PAK1: variants seen among roughly 807,000 people sequenced by gnomAD.
PAK1 encodes the protein p21 (RAC1) activated kinase 1.
PAK1 carries 29 observed loss-of-function variants against 67.4 expected under a neutral mutation model. That is an observed-to-expected ratio of 0.43 (90% confidence interval 0.32 to 0.59). The LOEUF (loss-of-function observed/expected upper bound fraction) is 0.59. Ranked by LOEUF, PAK1 falls within the 20% of genes least tolerant of loss-of-function variation. The pLI, the probability that PAK1 is intolerant of heterozygous loss-of-function variation, is 0.07. For missense variants in PAK1, 337 were observed against 670.7 expected (o/e 0.50, Z 5.50); for synonymous variants, 223 against 237.4 (o/e 0.94, Z 0.56).
At chr11:77,327,937 A>G (rs891735654) in intron 14 of PAK1, among the ~76,000 whole-genome samples, 7 of 152,312 alleles carry the variant, frequency 4.6e-5, no homozygotes, top group East Asian at 1.9e-4. Flanking sequence ...GGGATGGAGG[A>G]AGATCTACCA....
intron 1 of PAK1, among the ~76,000 whole-genome samples, chr11:77,430,658 T>A (rs1246005854): frequency 6.6e-6 from 1 of 152,256 alleles, no homozygotes; most frequent in African/African-American, 2.4e-5. Flanking sequence ...TAGAGTTAGA[T>A]CCAGTTGTGA....
intron 1 of PAK1, among the ~76,000 whole-genome samples, chr11:77,393,276 A>G (rs1178872135): frequency 4.0e-5 from 3 of 75,692 alleles, no homozygotes; most frequent in Non-Finnish European, 1.0e-4. Flanking sequence ...CTTGTTCTTT[A>G]AAAAAAAAAA....
intron 1 of PAK1, among the ~76,000 whole-genome samples, chr11:77,460,192 G>A (rs1231435878): frequency 1.3e-5 from 2 of 151,320 alleles, no homozygotes; most frequent in Non-Finnish European, 2.9e-5. Flanking sequence ...AGGAAAAAGG[G>A]AGAGAGAAAA....
intron 1 of PAK1, among the ~76,000 whole-genome samples, chr11:77,432,521 G>A (rs1162727200): frequency 2.0e-5 from 3 of 152,160 alleles, no homozygotes; most frequent in African/African-American, 7.2e-5. Context: ...AGCTGGTTGT[G>A]GTGGCATGCA....
At chr11:77,485,165 A>C in the PAK1 span, among the ~76,000 whole-genome samples, 2 of 152,312 alleles carry the variant, frequency 1.3e-5, no homozygotes, top group Admixed American at 1.3e-4. Context: ...AAAAGCCGGA[A>C]AGAGTAGCGG....
At chr11:77,431,126 T>C (rs1315693135) in intron 1 of PAK1, among the ~76,000 whole-genome samples, 1 of 150,660 alleles carries the variant, frequency 6.6e-6, no homozygotes, top group Non-Finnish European at 1.5e-5. Flanking sequence ...CAGTCCCTAA[T>C]GCCAAAAATG....
chr11:77,413,298 GC>G (rs1166060645), intron 1 of PAK1, among the ~76,000 whole-genome samples: 4 of 152,142 alleles, frequency 2.6e-5, no homozygotes, highest in African/African-American at 9.7e-5. Context: ...AGAGGTTCAG[GC>G]AACAGAAAAT....
At chr11:77,342,700 C>T (rs1157136906) in intron 10 of PAK1, among the ~76,000 whole-genome samples, 2 of 152,094 alleles carry the variant, frequency 1.3e-5, no homozygotes, top group African/African-American at 4.8e-5. Flanking sequence ...CTCTTTTCTT[C>T]TTTAAGGAAA....
chr11:77,373,946 T>C (rs1282463065), intron 5 of PAK1, among the ~76,000 whole-genome samples: 1 of 152,210 alleles, frequency 6.6e-6, no homozygotes, highest in Non-Finnish European at 1.5e-5. Context: ...ATCATCCTCA[T>C]TTTATTGATG....
chr11:77,379,077 A>C, intron 4 of PAK1, 164 bp downstream of exon 4: 1 of 618,472 alleles, frequency 1.6e-6, no homozygotes, highest in Admixed American at 2.6e-5. Context: ...GTTTGATGCA[A>C]AGTCCATCAT....
At chr11:77,323,813 G>A (rs1938975165) in intron 14 of PAK1, among the ~76,000 whole-genome samples, 1 of 152,158 alleles carries the variant, frequency 6.6e-6, no homozygotes, top group South Asian at 2.1e-4. Flanking sequence ...GACACATTAA[G>A]GGAAAGAAGC....
At chr11:77,493,445 A>ATT in the PAK1 span, among the ~76,000 whole-genome samples, 743 of 70,938 alleles carry the variant, frequency 0.01, 67 homozygotes, top group African/African-American at 0.038. Flanking sequence ...TGCCCAGCTA[A>ATT]TTTTTTTTTT....
chr11:77,445,789 T>C (rs1956570214), intron 1 of PAK1, among the ~76,000 whole-genome samples: 1 of 152,214 alleles, frequency 6.6e-6, no homozygotes, highest in Non-Finnish European at 1.5e-5. Flanking sequence ...GATCATGTAG[T>C]GCAATCCTGA....
At chr11:77,450,614 A>G (rs1159011903) in intron 1 of PAK1, among the ~76,000 whole-genome samples, 3 of 152,202 alleles carry the variant, frequency 2.0e-5, no homozygotes, top group African/African-American at 7.2e-5. Context: ...GAAGTTCTCC[A>G]CTTTAGATAG....
chr11:77,384,079 G>T (rs981174241), intron 2 of PAK1, among the ~76,000 whole-genome samples: 3 of 152,140 alleles, frequency 2.0e-5, no homozygotes, highest in African/African-American at 7.2e-5. Flanking sequence ...CCTGAAAGAA[G>T]TCATAAAGGA....
chr11:77,335,616 T>C (rs984635265), intron 13 of PAK1, among the ~76,000 whole-genome samples: 3 of 152,230 alleles, frequency 2.0e-5, no homozygotes, highest in Non-Finnish European at 2.9e-5. Flanking sequence ...CGCAGTCTAT[T>C]TTCCATAAAA....
At chr11:77,509,295 CTGCTGATGGGCCTGAGTCT>C in the PAK1 span, among the ~76,000 whole-genome samples, 1 of 152,142 alleles carries the variant, frequency 6.6e-6, no homozygotes, top group Non-Finnish European at 1.5e-5. Flanking sequence ...GAGCCAGCAT[CTGCTGATGGGCCTGAGTCT>C]TGCTGATGTA....
At chr11:77,496,844 A>C in the PAK1 span, among the ~76,000 whole-genome samples, 1 of 152,014 alleles carries the variant, frequency 6.6e-6, no homozygotes, top group African/African-American at 2.4e-5. Flanking sequence ...GAGGTAGGAG[A>C]ATTGTTTGAA....
intron 1 of PAK1, among the ~76,000 whole-genome samples, chr11:77,406,681 G>A (rs935702704): frequency 6.6e-6 from 1 of 152,234 alleles, no homozygotes; most frequent in Non-Finnish European, 1.5e-5. Context: ...AAGAGGCTGA[G>A]GTGGGAGGAT....
Sources: gnomAD v4.1 joint callset for allele counts (sites outside exome capture counted in the v4.1 genomes callset) on GRCh38, gnomAD v4.1.1 for gene constraint, MANE v1.5 for transcripts, NCBI Gene and HGNC (gene_info 2026-07-23, HGNC 2026-07-21) for gene names.